Variants in NUP107 observed in about 807,000 individuals in gnomAD.
NUP107 encodes the protein nuclear pore complex protein Nup107.
Under a neutral mutation model 141.0 loss-of-function variants are expected in NUP107, and 101 were observed. The ratio of observed to expected loss-of-function variants is 0.72; its 90% CI spans 0.61 to 0.84. The LOEUF (loss-of-function observed/expected upper bound fraction) is 0.84. Ranked by LOEUF, NUP107 falls within the 40% of genes least tolerant of loss-of-function variation. The pLI is 0.00. For missense variants in NUP107, 941 were observed against 1,102.7 expected (o/e 0.85, Z 2.08); for synonymous variants, 319 against 363.9 (o/e 0.88, Z 1.41).
In NUP107 at chr12:68,700,752, T is replaced by C. The variant is rs770300878; in HGVS notation, c.579T>C (p.Ser193=). The stretch of plus-strand genomic sequence containing the variant: ...TGAATATACTGAGTAAAATAGTGAG[T>C]CGAGCAACACCTGGACTTCAAAAAT... ...SQVNILSKIV[S]RATPGLQKFS... is the part of the protein sequence containing the mutation. The change falls in exon 7 of 28, where the codon AGT becomes AGC. Residue 193 remains serine (S), a synonymous_variant. Transcript: ENST00000229179. 2 of 1,610,148 alleles carry C rather than the reference T, an allele frequency of 1.2e-6. No homozygotes were observed. The highest frequency in any genetic ancestry group is 2.2e-5 in the South Asian group (2 of 90,108).
rs561353254 is a variant in NUP107 at position 68,734,573 on chromosome 12, AAT to A, written c.2263-128_2263-127del. The A allele has an allele frequency of 1.4e-4, 93 of 664,450 alleles. No individual in the cohort carries two copies. The East Asian group carries it at 2.5e-3, about 18-fold the overall frequency. 41.2% of individuals were successfully genotyped at this position (664,450 alleles called of 1,614,324 possible). On this transcript the variant is annotated intron_variant, in intron 24 of 27. Transcript: ENST00000229179. The stretch of plus-strand genomic sequence containing the variant: ...TGATATGAATTTTTGGAGGGAAAAA[AAT>A]ATATATTGAACAGTTTTATTTCTTG...
intron 5 of NUP107, among the ~76,000 whole-genome samples, chr12:68,694,419 G>T (rs1875951260): frequency 6.6e-6 from 1 of 152,070 alleles, no homozygotes; most frequent in South Asian, 2.1e-4. Flanking sequence ...TAGATAAATT[G>T]GGCTACATCA....
At chr12:68,725,663 A>G in intron 17 of NUP107, 64 bp from the exon 18 acceptor site, 1 of 797,548 alleles carries the variant, frequency 1.3e-6, no homozygotes, top group East Asian at 2.6e-5. Flanking sequence ...TTAGTTTAAC[A>G]GTGAATATAT....
chr12:68,695,765 AG>A (rs1272822651), intron 5 of NUP107, among the ~76,000 whole-genome samples: 1 of 152,224 alleles, frequency 6.6e-6, no homozygotes, highest in Non-Finnish European at 1.5e-5. Flanking sequence ...TGATTAAGCC[AG>A]GGATAGTGGC....
intron 12 of NUP107, among the ~76,000 whole-genome samples, chr12:68,716,241 C>CTTTTTTTTTT (rs370681977): frequency 8.6e-6 from 1 of 116,734 alleles, no homozygotes; most frequent in Non-Finnish European, 1.7e-5. Context: ...TTCTTTCTTT[C>CTTTTTTTTTT]TTTCTTTTTT....
At position 68,742,396 on chromosome 12, in the gene NUP107, C is replaced by G. The variant is rs1477651929; in HGVS notation, c.2712C>G (p.Leu904=). The change falls in exon 28 of 28, where the codon CTC becomes CTG. Residue 904 remains leucine, a synonymous_variant. Transcript: ENST00000229179. ...KEELRKLLQK[L]RESSLMLLDQ... Reference sequence around the variant, plus strand: ...AGCTAAGGAAGTTGCTGCAGAAGCTCAGAGAGTCCTCTCTAATGCTCCTAG... The same window carrying G: ...AGCTAAGGAAGTTGCTGCAGAAGCTGAGAGAGTCCTCTCTAATGCTCCTAG... The G allele has an allele frequency of 3.7e-6, 6 of 1,611,918 alleles. No individual in the cohort carries two copies. The highest frequency in any genetic ancestry group is 3.3e-5 in the Admixed American group (2 of 59,796).
In NUP107 at chr12:68,733,438, A is replaced by G; in HGVS notation, c.2102-14A>G. 1.9e-6 allele frequency: 3 copies of G among 1,603,780 alleles called. No homozygotes were observed. Among genetic ancestry groups the G allele is most frequent in the Non-Finnish European group, 1.7e-6 (2 of 1,175,148 alleles). On this transcript the variant is annotated splice_polypyrimidine_tract_variant and intron_variant, in intron 23 of 27. Coordinates refer to ENST00000229179, the MANE Select transcript of NUP107 (RefSeq NM_020401.4). ...AGTCCGTAGGCATTCAAAATTGTGT[A>G]TCTTTTTTCACAGCATCAAAAAAGC...
chr12:68,711,721 G>A (rs1032083679), intron 10 of NUP107, among the ~76,000 whole-genome samples: 1 of 152,144 alleles, frequency 6.6e-6, no homozygotes, highest in African/African-American at 2.4e-5. Context: ...AGAACGTAAA[G>A]TGTTTGCACA....
chr12:68,690,537 G>A lies in NUP107; in HGVS notation c.188-94G>A, dbSNP rs561567566. On this transcript the variant is annotated intron_variant, in intron 3 of 27. Transcript: ENST00000229179. ...GTTAGAGTCTAAATAATGGAAAACT[G>A]AAAAATTTATTCTTCATTGTTTGTT... 29 of 1,526,112 alleles carry A rather than the reference G, an allele frequency of 1.9e-5. No homozygotes were observed. In the Admixed American group the frequency reaches 3.6e-4, roughly 19 times the overall value. The allele number at this position is 1,526,112 out of a possible 1,614,324, so 94.5% of individuals were successfully genotyped here.
chr12:68,697,709 A>G (rs1449022574), intron 6 of NUP107, among the ~76,000 whole-genome samples: 1 of 152,156 alleles, frequency 6.6e-6, no homozygotes, highest in Non-Finnish European at 1.5e-5. Context: ...TCACCAAAGA[A>G]GATATACAGA....
At chr12:68,705,710 T>C in intron 8 of NUP107, 1 of 654,132 alleles carries the variant, frequency 1.5e-6, no homozygotes, top group Non-Finnish European at 2.8e-6. Context: ...CATTCCTACA[T>C]GTGTGGGCCC....
chr12:68,697,927 C>A (rs1876145955), intron 6 of NUP107, among the ~76,000 whole-genome samples: 2 of 151,354 alleles, frequency 1.3e-5, no homozygotes, highest in South Asian at 4.2e-4. Flanking sequence ...ACTTAGGAGC[C>A]TGAGGCAGGA....
In NUP107 at chr12:68,722,156, A is replaced by G; in HGVS notation, c.1506+4A>G. 6.2e-7 allele frequency: 1 copy of G among 1,612,462 alleles called. No individual in the cohort carries two copies. The highest frequency in any genetic ancestry group is 8.5e-7 in the Non-Finnish European group (1 of 1,178,744). Reference sequence around the variant, plus strand: ...ACTTCAAGCTACTGACAAAAAGGTAAATGTTAATAGGAATATGTTAGGTAT... The same window carrying G: ...ACTTCAAGCTACTGACAAAAAGGTAGATGTTAATAGGAATATGTTAGGTAT... On this transcript the variant is annotated splice_donor_region_variant and intron_variant, in intron 17 of 27. Coordinates refer to ENST00000229179, the MANE Select transcript of NUP107 (RefSeq NM_020401.4).
chr12:68,725,335 G>A (rs993917690), intron 17 of NUP107, among the ~76,000 whole-genome samples: 2 of 151,794 alleles, frequency 1.3e-5, no homozygotes, highest in African/African-American at 4.8e-5. Flanking sequence ...ATGCTTTCAT[G>A]TACTGCTGCT....
chr12:68,721,309 G>T (rs1401185145), intron 15 of NUP107, 132 bp downstream of exon 15: 4 of 533,940 alleles, frequency 7.5e-6, no homozygotes, highest in African/African-American at 2.0e-5. Flanking sequence ...GTGTAGCAAT[G>T]ATAGAGATAA....
intron 12 of NUP107, among the ~76,000 whole-genome samples, chr12:68,718,722 G>A (rs1001036707): frequency 6.6e-6 from 1 of 151,920 alleles, no homozygotes; most frequent in African/African-American, 2.4e-5. Context: ...CTTCAGTCCA[G>A]AAGTTCGAGA....
At position 68,731,732 on chromosome 12, in the gene NUP107, G is replaced by T. The variant is rs561166398; in HGVS notation, c.1998+13G>T. ...TGGCACTACTGAGGTAATTTGGGAT[G>T]GGGGGGCAGAGGTTTCTATAACTTC... On this transcript the variant is annotated intron_variant, in intron 22 of 27. Transcript: ENST00000229179. 2.2e-6 allele frequency: 3 copies of T among 1,380,002 alleles called. No individual in the cohort carries two copies. Among genetic ancestry groups the T allele is most frequent in the Non-Finnish European group, 3.0e-6 (3 of 1,008,412 alleles). The allele number at this position is 1,380,002 out of a possible 1,614,324, so 85.5% of individuals were successfully genotyped here.
intron 24 of NUP107, 39 bp downstream of exon 24, chr12:68,733,651 T>C: frequency 6.4e-7 from 1 of 1,565,828 alleles, no homozygotes; most frequent in Non-Finnish European, 8.6e-7. Flanking sequence ...GCCTACTTCA[T>C]GATGATTTTT....
At position 68,721,192 on chromosome 12, in the gene NUP107, T is replaced by G. The variant is rs372952660; in HGVS notation, c.1311+15T>G. The stretch of plus-strand genomic sequence containing the variant: ...ATCTTAAGCAGGTATGCAATCTGTT[T>G]TAATGTTTAAATTTTTTCTGTGGAG... On this transcript the variant is annotated intron_variant, in intron 15 of 27. Coordinates refer to ENST00000229179, the MANE Select transcript of NUP107 (RefSeq NM_020401.4). 2.5e-6 allele frequency: 4 copies of G among 1,574,396 alleles called. No homozygotes were observed. Among genetic ancestry groups the G allele is most frequent in the African/African-American group, 2.7e-5 (2 of 73,858 alleles).
Sources: gnomAD v4.1 joint callset for allele counts (sites outside exome capture counted in the v4.1 genomes callset) on GRCh38, gnomAD v4.1.1 for gene constraint, MANE v1.5 for transcripts, NCBI Gene and HGNC (gene_info 2026-07-23, HGNC 2026-07-21) for gene names.